The following PHF24 variants were observed in gnomAD, a reference collection of about 807,000 sequenced individuals.
The protein encoded by PHF24 is PHD finger protein 24, also known as Galpha inhibitory interacting protein.
A neutral mutation model predicts 42.6 loss-of-function variants in PHF24; 25 were observed. The observed-to-expected ratio is 0.59, with a 90% CI of 0.43 to 0.82. The LOEUF is 0.82. Among genes scored for constraint, PHF24 ranks in the 40% least tolerant of loss-of-function variants. The pLI is 0.00. For missense variants in PHF24, 470 were observed against 538.1 expected (o/e 0.87, Z 1.25); for synonymous variants, 185 against 204.8 (o/e 0.90, Z 0.83).
chr9:34,749,280 A>G, the PHF24 span, among the ~76,000 whole-genome samples: 3 of 152,188 alleles, frequency 2.0e-5, no homozygotes, highest in African/African-American at 7.2e-5. Flanking sequence ...AGAGATACAT[A>G]TAGAAGTTTC....
At chr9:34,786,694 G>C in the PHF24 span, among the ~76,000 whole-genome samples, 1 of 152,168 alleles carries the variant, frequency 6.6e-6, no homozygotes, top group Non-Finnish European at 1.5e-5. Context: ...TTCCTAAAAT[G>C]TTGAGGGCTT....
the PHF24 span, among the ~76,000 whole-genome samples, chr9:34,941,740 C>A: frequency 1.3e-5 from 2 of 152,182 alleles, no homozygotes; most frequent in Admixed American, 1.3e-4. Context: ...ACGCCTTCCA[C>A]CATGCTCTCT....
At chr9:34,834,811 A>T in the PHF24 span, 38 of 1,473,068 alleles carry the variant, frequency 2.6e-5, no homozygotes, top group Non-Finnish European at 3.4e-5. Context: ...GAGACACCCA[A>T]TTTGGCGAAA....
chr9:34,816,119 T>G, the PHF24 span, among the ~76,000 whole-genome samples: 1 of 151,996 alleles, frequency 6.6e-6, no homozygotes, highest in African/African-American at 2.4e-5. Flanking sequence ...TATTATACTT[T>G]AAGTTTTAGG....
At chr9:34,909,359 C>G in the PHF24 span, among the ~76,000 whole-genome samples, 1 of 152,300 alleles carries the variant, frequency 6.6e-6, no homozygotes, top group African/African-American at 2.4e-5. Context: ...CAGTGGCAGC[C>G]TGGCCTTTGG....
chr9:34,809,704 CAA>C, the PHF24 span, among the ~76,000 whole-genome samples: 1 of 152,210 alleles, frequency 6.6e-6, no homozygotes, highest in East Asian at 1.9e-4. This position sits in a 1 kb window ranked among gnomAD's most constrained non-coding sequence, Gnocchi z 4.1. Flanking sequence ...AGGAGCGGAA[CAA>C]AGTGTTAGCG....
At chr9:34,743,797 A>G in the PHF24 span, among the ~76,000 whole-genome samples, 10 of 152,322 alleles carry the variant, frequency 6.6e-5, 1 homozygote, top group East Asian at 1.7e-3. Context: ...CTGTAACAGA[A>G]TACTTGAGAC....
At chr9:34,870,768 G>A in the PHF24 span, among the ~76,000 whole-genome samples, 11 of 152,160 alleles carry the variant, frequency 7.2e-5, no homozygotes, top group South Asian at 2.1e-4. Flanking sequence ...ACCACCTTCC[G>A]TGTCTTTTCA....
At chr9:34,675,594 T>A in the PHF24 span, among the ~76,000 whole-genome samples, 1 of 152,098 alleles carries the variant, frequency 6.6e-6, no homozygotes, top group East Asian at 1.9e-4. Flanking sequence ...GATATCAGGA[T>A]AGGGGGAAGT....
chr9:34,677,415 G>A, the PHF24 span, among the ~76,000 whole-genome samples: 5 of 18,092 alleles, frequency 2.8e-4, no homozygotes, highest in Middle Eastern at 0.056. Context: ...TTTTTTTTTT[G>A]AGATGGAGTC....
chr9:34,894,497 C>G, the PHF24 span: 1 of 398,584 alleles, frequency 2.5e-6, no homozygotes, highest in Non-Finnish European at 4.4e-6. Flanking sequence ...GTGAAGTTCT[C>G]CTAGCTGAAG....
At chr9:34,866,080 G>A in the PHF24 span, among the ~76,000 whole-genome samples, 5 of 152,190 alleles carry the variant, frequency 3.3e-5, no homozygotes, top group African/African-American at 1.2e-4. Context: ...ATATCAGGAG[G>A]TGGGGCTGCC....
upstream of PHF24, among the ~76,000 whole-genome samples, chr9:34,955,097 C>T (rs1826341170): frequency 1.3e-5 from 2 of 152,352 alleles, no homozygotes; most frequent in South Asian, 4.1e-4. Context: ...TGGTCTCAAA[C>T]TCCTGGGCTC....
At chr9:34,947,272 A>C in the PHF24 span, among the ~76,000 whole-genome samples, 2 of 152,224 alleles carry the variant, frequency 1.3e-5, no homozygotes, top group African/African-American at 4.8e-5. Context: ...TGGTGGACGA[A>C]ATATACAAAA....
the PHF24 span, among the ~76,000 whole-genome samples, chr9:34,774,687 C>A: frequency 6.6e-6 from 1 of 152,056 alleles, no homozygotes; most frequent in Non-Finnish European, 1.5e-5. Context: ...ACAGGAGAAT[C>A]GCTTGAACCT....
the PHF24 span, among the ~76,000 whole-genome samples, chr9:34,829,103 A>T: frequency 6.6e-6 from 1 of 152,134 alleles, no homozygotes; most frequent in Non-Finnish European, 1.5e-5. Context: ...AAGTGGTCAT[A>T]TTCTGGATGG....
chr9:34,861,623 A>G, the PHF24 span, among the ~76,000 whole-genome samples: 1 of 152,226 alleles, frequency 6.6e-6, no homozygotes, highest in Non-Finnish European at 1.5e-5. Context: ...AAATAATGAT[A>G]ATAATGTATA....
At chr9:34,721,149 TG>T in the PHF24 span, among the ~76,000 whole-genome samples, 2 of 152,278 alleles carry the variant, frequency 1.3e-5, no homozygotes, top group African/African-American at 4.8e-5. Flanking sequence ...ACTGTCAACT[TG>T]GGGACTTGCT....
the PHF24 span, among the ~76,000 whole-genome samples, chr9:34,686,547 C>T: frequency 1.3e-5 from 2 of 152,214 alleles, no homozygotes; most frequent in Non-Finnish European, 2.9e-5. Flanking sequence ...TGAGGCCCAA[C>T]CTCTCCCTTG....
Sources: gnomAD v4.1 joint callset for allele counts (sites outside exome capture counted in the v4.1 genomes callset) on GRCh38, gnomAD v4.1.1 for gene constraint, Gnocchi (gnomAD v3.1) non-coding constraint, MANE v1.5 for transcripts, NCBI Gene and HGNC (gene_info 2026-07-23, HGNC 2026-07-21) for gene names.